Variants in TENM3 observed in about 807,000 individuals in gnomAD.
TENM3 encodes the protein teneurin transmembrane protein 3, also known as teneurin-3.
Under a neutral mutation model 255.1 loss-of-function variants are expected in TENM3, and 63 were observed. The observed-to-expected ratio is 0.25, with a 90% confidence interval of 0.20 to 0.30. The LOEUF is 0.30. TENM3 is among the 10% of genes least tolerant of loss of function. The pLI, the probability that TENM3 is intolerant of heterozygous loss-of-function variation, is 1.00. For synonymous variants in TENM3, 1,306 were observed against 1,322.3 expected, an observed-to-expected ratio of 0.99 and a Z score of 0.27; for missense variants, 2,929 against 3,461.1, an observed-to-expected ratio of 0.85 and a Z score of 3.86.
rs574689854 is a variant in TENM3 at position 182,277,916 on chromosome 4, G to A, written c.-76+34440G>A. Among the ~76,000 whole-genome samples, 17 of 152,250 alleles carry A rather than the reference G, an allele frequency of 1.1e-4. No individual in the cohort carries two copies. In the South Asian group the frequency reaches 2.9e-3, roughly 26 times the overall value. ...TACTTAGATAACATTTACAACTCAG[G>A]GAGAGGACAAGGAGTTAGCTGGTGG... is the stretch of plus-strand genomic sequence containing the variant. On this transcript the variant is annotated intron_variant, in intron 1 of 27. Coordinates refer to ENST00000511685, the MANE Select transcript of TENM3 (RefSeq NM_001080477.4).
chr4:182,323,816 C>T (rs1023001406), intron 1 of TENM3, 130 bp from the exon 2 acceptor site: 2 of 586,252 alleles, frequency 3.4e-6, no homozygotes, highest in Non-Finnish European at 3.0e-6. Flanking sequence ...ATACTAATTT[C>T]TTGTTGAAAG....
the TENM3 span, among the ~76,000 whole-genome samples, chr4:181,979,890 A>G: frequency 6.6e-6 from 1 of 151,976 alleles, no homozygotes; most frequent in Non-Finnish European, 1.5e-5. Flanking sequence ...TTTTTGTTTT[A>G]TTTCTGACCC....
At chr4:182,366,880 A>G (rs1202123620) in intron 3 of TENM3, among the ~76,000 whole-genome samples, 2 of 152,206 alleles carry the variant, frequency 1.3e-5, no homozygotes, top group Non-Finnish European at 2.9e-5. Flanking sequence ...CAGTAAAAAT[A>G]AAGTGTTAAT....
At chr4:181,975,829 G>T in the TENM3 span, 4 of 152,154 alleles carry the variant, frequency 2.6e-5, no homozygotes, top group Non-Finnish European at 4.4e-5. Flanking sequence ...GTGTTTCCTT[G>T]GTCTGCCATA....
intron 1 of TENM3, among the ~76,000 whole-genome samples, chr4:182,151,102 A>C (rs1168960378): frequency 1.3e-5 from 2 of 152,126 alleles, no homozygotes; most frequent in African/African-American, 4.8e-5. Flanking sequence ...GTCCTCACTC[A>C]AGAGCGTCTC....
chr4:181,820,117 G>A, the TENM3 span: 2 of 152,198 alleles, frequency 1.3e-5, no homozygotes, highest in Non-Finnish European at 2.9e-5. Context: ...CCAGAGCTGT[G>A]ATACTTGGAA....
At chr4:182,088,087 T>C in the TENM3 span, among the ~76,000 whole-genome samples, 1 of 152,344 alleles carries the variant, frequency 6.6e-6, no homozygotes, top group South Asian at 2.1e-4. Flanking sequence ...TAAGAAGACA[T>C]GTATCTTAAG....
chr4:182,712,007 A>G (rs1206389145), intron 12 of TENM3, among the ~76,000 whole-genome samples: 1 of 152,176 alleles, frequency 6.6e-6, no homozygotes, highest in Non-Finnish European at 1.5e-5. Context: ...TTGTCAATCT[A>G]AAGAAGATCC....
chr4:181,531,602 C>T, the TENM3 span, among the ~76,000 whole-genome samples: 1 of 152,152 alleles, frequency 6.6e-6, no homozygotes, highest in African/African-American at 2.4e-5. Flanking sequence ...TCTGGGAATA[C>T]AGCAAACAAG....
At chr4:181,829,439 C>A in the TENM3 span, among the ~76,000 whole-genome samples, 1 of 152,276 alleles carries the variant, frequency 6.6e-6, no homozygotes, top group African/African-American at 2.4e-5. Context: ...TCAGACAGTT[C>A]ATTGGTAAAA....
At chr4:181,568,534 C>A in the TENM3 span, among the ~76,000 whole-genome samples, 1 of 152,064 alleles carries the variant, frequency 6.6e-6, no homozygotes, top group Non-Finnish European at 1.5e-5. Flanking sequence ...TCCACGTATC[C>A]TCATGCTTCC....
At chr4:182,320,905 G>T (rs1031468247) in intron 1 of TENM3, among the ~76,000 whole-genome samples, 3 of 152,124 alleles carry the variant, frequency 2.0e-5, no homozygotes, top group Non-Finnish European at 4.4e-5. Flanking sequence ...AGCAGAAAAC[G>T]ATTTCCCCTT....
the TENM3 span, among the ~76,000 whole-genome samples, chr4:181,927,865 C>G: frequency 3.9e-5 from 6 of 152,200 alleles, no homozygotes; most frequent in African/African-American, 1.2e-4. Context: ...GCAGCCTCGT[C>G]TGGTGATACC....
chr4:182,297,948 T>C (rs1029250473), intron 1 of TENM3, among the ~76,000 whole-genome samples: 1 of 152,140 alleles, frequency 6.6e-6, no homozygotes, highest in Non-Finnish European at 1.5e-5. Flanking sequence ...CCTGCGCTGC[T>C]CCCACACGAG....
intron 3 of TENM3, among the ~76,000 whole-genome samples, chr4:182,537,799 C>T (rs1580865707): frequency 6.6e-6 from 1 of 152,138 alleles, no homozygotes; most frequent in Non-Finnish European, 1.5e-5. Context: ...GTGTTTTGTT[C>T]ATGCTGCAGC....
At chr4:182,667,884 C>T (rs539195032) in intron 6 of TENM3, among the ~76,000 whole-genome samples, 137 of 151,780 alleles carry the variant, frequency 9.0e-4, no homozygotes, top group African/African-American at 1.9e-3. Flanking sequence ...ACCAATATGG[C>T]GCATGTATAC....
chr4:181,948,684 G>C, the TENM3 span, among the ~76,000 whole-genome samples: 1 of 152,130 alleles, frequency 6.6e-6, no homozygotes, highest in African/African-American at 2.4e-5. Flanking sequence ...CCAAAGTGCT[G>C]GGATTACAGG....
At chr4:182,163,405 A>G (rs1443999144) in intron 1 of TENM3, among the ~76,000 whole-genome samples, 1 of 152,140 alleles carries the variant, frequency 6.6e-6, no homozygotes. Flanking sequence ...TCTCTTAGGT[A>G]CAGTGTGCCT....
chr4:182,175,489 G>A (rs1053424729), intron 1 of TENM3, among the ~76,000 whole-genome samples: 26 of 152,142 alleles, frequency 1.7e-4, no homozygotes, highest in African/African-American at 6.3e-4. Context: ...AGTGCTACCA[G>A]AATGAAGGGG....
Sources: allele counts gnomAD v4.1 joint callset (sites outside exome capture counted in the v4.1 genomes callset), GRCh38; gene constraint gnomAD v4.1.1; transcripts MANE v1.5; gene names NCBI Gene and HGNC (gene_info 2026-07-23, HGNC 2026-07-21).